RELN: variants seen among roughly 807,000 people sequenced by gnomAD.
RELN encodes reelin.
In RELN, 108 loss-of-function variants were observed where a neutral mutation model predicts 427.6. That is an observed-to-expected ratio of 0.25 (90% CI 0.22 to 0.30). The LOEUF is 0.30. Among genes scored for constraint, RELN ranks in the 10% least tolerant of loss-of-function variants. The pLI is 1.00. For missense variants in RELN, 3,715 were observed against 4,302.8 expected (o/e 0.86, Z 3.82); for synonymous variants, 1,524 against 1,513.4 (o/e 1.01, Z -0.16).
chr7:103,738,808 G>A (rs550077764), intron 6 of RELN, among the ~76,000 whole-genome samples: 161 of 148,456 alleles, frequency 1.1e-3, no homozygotes, highest in African/African-American at 3.8e-3. Context: ...TCAGCCTCCC[G>A]AGTAGCTGGG....
In RELN at chr7:103,611,653, C is replaced by T. The variant is rs752557351; in HGVS notation, c.2853G>A (p.Glu951=). 6.2e-7 allele frequency: 1 copy of T among 1,613,638 alleles called. No homozygotes were observed. The highest frequency in any genetic ancestry group is 8.5e-7 in the Non-Finnish European group (1 of 1,179,896). Residue 951 remains glutamate (E), a synonymous_variant, in exon 21 of 65, where the codon GAG becomes GAA. Transcript: ENST00000428762. ...AGGTAAGGCCGTGGTTGGTTGAGTA[C>T]TCCAGCTTCACCTGGTTGTCCATGT... ...TPHMDNQVKL[E]YSTNHGLTWH... is the part of the protein sequence containing the mutation.
At chr7:103,498,374 C>T (rs910785252) in intron 53 of RELN, 122 bp from the exon 54 acceptor site, 7 of 888,432 alleles carry the variant, frequency 7.9e-6, no homozygotes, top group African/African-American at 5.1e-5. Context: ...AAATGCTTTT[C>T]AAAGATGTTT....
intron 1 of RELN, among the ~76,000 whole-genome samples, chr7:103,982,443 ATT>A (rs1199157071): frequency 5.3e-5 from 8 of 152,190 alleles, no homozygotes; most frequent in Non-Finnish European, 2.9e-5. Context: ...TTGTTTTCAT[ATT>A]ACTATCAGTA....
intron 1 of RELN, among the ~76,000 whole-genome samples, chr7:103,981,489 T>C (rs181271328): frequency 2.0e-5 from 3 of 152,300 alleles, no homozygotes; most frequent in African/African-American, 7.2e-5. Flanking sequence ...ACCAACTCTA[T>C]GAGAGGATCA....
At chr7:103,745,677 G>C (rs1329580302) in intron 6 of RELN, among the ~76,000 whole-genome samples, 3 of 150,258 alleles carry the variant, frequency 2.0e-5, no homozygotes, top group Non-Finnish European at 3.0e-5. Context: ...TTGCTTCAAA[G>C]AGAATAAAAT....
intron 2 of RELN, among the ~76,000 whole-genome samples, chr7:103,873,891 G>A (rs969287209): frequency 8.7e-6 from 1 of 115,124 alleles, no homozygotes; most frequent in Non-Finnish European, 1.9e-5. Context: ...AAGCCGGGCA[G>A]AGACACAACC....
At chr7:103,672,976 G>T (rs1003678409) in intron 11 of RELN, among the ~76,000 whole-genome samples, 2 of 151,824 alleles carry the variant, frequency 1.3e-5, no homozygotes, top group Non-Finnish European at 2.9e-5. Context: ...CATTTGTCTG[G>T]TATATTAGTT....
At chr7:103,701,615 T>A (rs1834093654) in intron 8 of RELN, among the ~76,000 whole-genome samples, 1 of 152,160 alleles carries the variant, frequency 6.6e-6, no homozygotes, top group Non-Finnish European at 1.5e-5. Context: ...ATCATTATTA[T>A]TTTCAATAGT....
At chr7:103,898,863 T>C (rs867515417) in intron 2 of RELN, among the ~76,000 whole-genome samples, 93 of 152,186 alleles carry the variant, frequency 6.1e-4, no homozygotes, top group African/African-American at 2.2e-3. Context: ...ACACAAGCAA[T>C]TGTTCTTCAC....
intron 2 of RELN, among the ~76,000 whole-genome samples, chr7:103,902,001 T>C (rs924756958): frequency 6.6e-6 from 1 of 152,070 alleles, no homozygotes; most frequent in African/African-American, 2.4e-5. Context: ...CTTATTAATA[T>C]ATCATGTAGC....
At chr7:103,551,442 CT>C in intron 40 of RELN, 146 bp from the exon 41 acceptor site, 1 of 710,104 alleles carries the variant, frequency 1.4e-6, no homozygotes, top group South Asian at 1.5e-5. Context: ...TTTTGCCTTA[CT>C]GAGTAATATT....
At chr7:103,676,102 A>G (rs149391223) in intron 11 of RELN, among the ~76,000 whole-genome samples, 8,224 of 152,274 alleles carry the variant, frequency 0.054, 305 homozygotes, top group Non-Finnish European at 0.079. Context: ...TGAACAGGCA[A>G]CCTATAGAAT....
chr7:103,508,984 CT>C (rs1409667523), intron 51 of RELN, among the ~76,000 whole-genome samples: 1 of 151,440 alleles, frequency 6.6e-6, no homozygotes, highest in Non-Finnish European at 1.5e-5. Flanking sequence ...CAAACCACTG[CT>C]CAAGGAAATA....
At chr7:103,656,217 T>C (rs751114064) in intron 12 of RELN, among the ~76,000 whole-genome samples, 27 of 152,108 alleles carry the variant, frequency 1.8e-4, no homozygotes, top group Admixed American at 3.3e-4. Context: ...AGATGATTTA[T>C]ATTTGGCTTT....
intron 4 of RELN, among the ~76,000 whole-genome samples, chr7:103,766,477 A>G (rs1027177961): frequency 6.6e-6 from 1 of 152,258 alleles, no homozygotes. Flanking sequence ...CTGTTGAATA[A>G]TCAAGGATAG....
chr7:103,559,453 T>G (rs186734716), intron 36 of RELN, among the ~76,000 whole-genome samples: 1 of 152,346 alleles, frequency 6.6e-6, no homozygotes, highest in East Asian at 1.9e-4. Context: ...TGTTTTTTCT[T>G]TTATGCCTAG....
In RELN at chr7:103,472,871, G is replaced by T. The variant is rs777359024; in HGVS notation, c.10324C>A (p.Gln3442Lys). ...TTGTAGAAATGTCTGAGCCCATGTTGTCGTGAAAAATTCATCATGTAATTT... is the reference window on the plus strand; with the variant it reads ...TTGTAGAAATGTCTGAGCCCATGTTTTCGTGAAAAATTCATCATGTAATTT... ...KQNYMMNFSR[Q>K]HGLRHFYNRR... The change falls in exon 65 of 65, where the codon CAA (glutamine) becomes AAA (lysine). Residue 3442 changes from glutamine to lysine, a missense_variant. Physicochemically the swap from Gln to Lys is moderately conservative, Grantham distance 53 (BLOSUM62 1). Coordinates refer to ENST00000428762, the MANE Select transcript of RELN (RefSeq NM_005045.4). The T allele has an allele frequency of 1.2e-6, 2 of 1,613,780 alleles. No homozygotes were observed. The highest frequency in any genetic ancestry group is 1.1e-5 in the South Asian group (1 of 91,078).
chr7:103,954,662 T>C (rs1796398524), intron 1 of RELN, among the ~76,000 whole-genome samples: 1 of 152,206 alleles, frequency 6.6e-6, no homozygotes, highest in Non-Finnish European at 1.5e-5. Flanking sequence ...GCATGGAATC[T>C]ATAAGAAGTA....
At chr7:103,771,209 G>A (rs896644395) in intron 4 of RELN, among the ~76,000 whole-genome samples, 2 of 151,386 alleles carry the variant, frequency 1.3e-5, no homozygotes, top group African/African-American at 4.9e-5. Context: ...GAGCCGCCAC[G>A]CCCAGCCCAA....
Sources: allele counts gnomAD v4.1 joint callset (sites outside exome capture counted in the v4.1 genomes callset), GRCh38; gene constraint gnomAD v4.1.1; transcripts MANE v1.5; gene names NCBI Gene and HGNC (gene_info 2026-07-23, HGNC 2026-07-21).